Variants in DNAH3 observed in about 807,000 individuals in gnomAD.
DNAH3 encodes the protein axonemal beta dynein heavy chain 3.
In DNAH3, 332 loss-of-function variants were observed where a neutral mutation model predicts 432.5. The observed-to-expected ratio is 0.77, with a 90% CI of 0.70 to 0.84. The LOEUF (loss-of-function observed/expected upper bound fraction) is 0.84. DNAH3 is among the 40% of genes least tolerant of loss of function. The pLI is 0.00. For synonymous variants in DNAH3, 1,956 were observed against 1,900.2 expected (o/e 1.03, Z -0.76); for missense variants, 4,861 against 5,114.0 (o/e 0.95, Z 1.51).
At chr16:20,988,516 G>C (rs1250063144) in intron 44 of DNAH3, among the ~76,000 whole-genome samples, 2 of 152,216 alleles carry the variant, frequency 1.3e-5, no homozygotes, top group Non-Finnish European at 1.5e-5. Flanking sequence ...CCGGGCTCAA[G>C]AGATTCTCCA....
At chr16:21,099,241 G>T (rs2152793912) in intron 16 of DNAH3, among the ~76,000 whole-genome samples, 1 of 147,640 alleles carries the variant, frequency 6.8e-6, no homozygotes, top group South Asian at 2.2e-4. Flanking sequence ...GACATGGATG[G>T]ATGGATGGAT....
At chr16:20,969,646 C>CA in intron 52 of DNAH3, 146 bp downstream of exon 52, 1 of 925,402 alleles carries the variant, frequency 1.1e-6, no homozygotes, top group Non-Finnish European at 1.7e-6. Flanking sequence ...TGGGTGCACA[C>CA]ACACAGCCTG....
At chr16:21,063,273 T>C (rs1174724631) in intron 24 of DNAH3, among the ~76,000 whole-genome samples, 2 of 151,984 alleles carry the variant, frequency 1.3e-5, no homozygotes, top group Non-Finnish European at 2.9e-5. Flanking sequence ...CTGATGAAAT[T>C]TGTATTTTTT....
At chr16:21,056,033 C>T (rs899046798) in intron 27 of DNAH3, among the ~76,000 whole-genome samples, 7 of 152,194 alleles carry the variant, frequency 4.6e-5, no homozygotes, top group Non-Finnish European at 8.8e-5. Flanking sequence ...CCACCGTATC[C>T]TGCCCTGAAT....
intron 44 of DNAH3, among the ~76,000 whole-genome samples, chr16:20,992,546 C>A (rs1295686873): frequency 6.6e-6 from 1 of 152,162 alleles, no homozygotes; most frequent in Non-Finnish European, 1.5e-5. Flanking sequence ...CGGGGTTTCA[C>A]CGTGTTAGCC....
At chr16:21,066,770 A>C (rs2090566082) in intron 24 of DNAH3, among the ~76,000 whole-genome samples, 1 of 152,180 alleles carries the variant, frequency 6.6e-6, no homozygotes, top group South Asian at 2.1e-4. Context: ...GAAACTACAA[A>C]ATTTGATGGT....
intron 1 of DNAH3, among the ~76,000 whole-genome samples, chr16:21,147,029 G>GCT (rs1469079983): frequency 6.6e-6 from 1 of 151,806 alleles, no homozygotes; most frequent in East Asian, 1.9e-4. Flanking sequence ...CAAAGTTCTG[G>GCT]GATTACAGGC....
chr16:21,076,230 T>C (rs1319866647), intron 20 of DNAH3, among the ~76,000 whole-genome samples: 1 of 152,162 alleles, frequency 6.6e-6, no homozygotes, highest in African/African-American at 2.4e-5. Context: ...CCTTAATCCA[T>C]TATAATTGGT....
chr16:21,127,913 G>T, intron 7 of DNAH3, 101 bp from the exon 9 acceptor site: 1 of 1,395,132 alleles, frequency 7.2e-7, no homozygotes, highest in Non-Finnish European at 1.0e-6. Flanking sequence ...CTCAATGAAA[G>T]TTAAGCAGAA....
Position 21,020,348 on chromosome 16 carries a change from G to GTGTGTGTGTATATATATATATA in DNAH3, c.5777-480_5777-479insTATATATATATATACACACACA. Among the ~76,000 whole-genome samples the GTGTGTGTGTATATATATATATA allele has an allele frequency of 6.1e-4, 42 of 69,130 alleles. 1 individual carries two copies. The highest frequency in any genetic ancestry group is 2.7e-3 in the African/African-American group (42 of 15,616). 45.4% of individuals were successfully genotyped at this position (69,130 alleles called of 152,430 possible). A position where few individuals can be genotyped will look rare whatever the true frequency, so the allele number is the denominator to read the frequency against. ...ACTGCTGTATAATAATATAGTGTGT[G>GTGTGTGTGTATATATATATATA]TATATATATATATATATATAAAATC... On this transcript the variant is annotated intron_variant, in intron 40 of 61. Transcript: ENST00000261383.
In DNAH3 at chr16:21,121,944, C is replaced by T; in HGVS notation, c.1584+1G>A. 1 of 1,606,744 alleles carries T rather than the reference C, an allele frequency of 6.2e-7. No homozygotes were observed. Among genetic ancestry groups the T allele is most frequent in the Non-Finnish European group, 8.5e-7 (1 of 1,176,776 alleles). On this transcript the variant is annotated splice_donor_variant, in intron 10 of 61. Coordinates refer to ENST00000261383, the Ensembl canonical transcript of DNAH3. LOFTEE classifies it high-confidence loss of function. ...AATGAATGATTAAGTGACTACTATA[C>T]CTTGGGGATCCCATTAGAGTTCTTA...
intron 51 of DNAH3, among the ~76,000 whole-genome samples, chr16:20,971,744 G>C (rs1477738277): frequency 6.6e-6 from 1 of 152,226 alleles, no homozygotes; most frequent in East Asian, 1.9e-4. Flanking sequence ...ACATTACAGA[G>C]CAGAATCTTG....
chr16:20,969,604 C>A (rs2085236930), intron 52 of DNAH3, among the ~76,000 whole-genome samples, 188 bp downstream of exon 52: 1 of 152,230 alleles, frequency 6.6e-6, no homozygotes, highest in Non-Finnish European at 1.5e-5. Context: ...ACTGAGAGGG[C>A]GGAGGCCGCT....
intron 14 of DNAH3, among the ~76,000 whole-genome samples, chr16:21,108,990 G>C (rs2152802474): frequency 6.6e-6 from 1 of 151,944 alleles, no homozygotes; most frequent in South Asian, 2.1e-4. Flanking sequence ...GGGTGTGGTG[G>C]CACACACCTG....
chr16:21,123,154 G>A lies in DNAH3; in HGVS notation c.1405-1030C>T, dbSNP rs1034579654. 1.3e-5 allele frequency among the ~76,000 whole-genome samples: 2 copies of A among 152,284 alleles called. 1 individual carries two copies. Among genetic ancestry groups the A allele is most frequent in the South Asian group, 4.2e-4 (2 of 4,814 alleles). On this transcript the variant is annotated intron_variant, in intron 9 of 61. Coordinates refer to ENST00000261383, the Ensembl canonical transcript of DNAH3. ...CATAATCCATATAACCCCAAATGGA[G>A]TTGCTAATGAGCATAGTTTATTTTA...
chr16:20,982,696 G>A (rs1351865818), intron 49 of DNAH3, 25 bp downstream of exon 49: 1 of 1,600,448 alleles, frequency 6.2e-7, no homozygotes, highest in African/African-American at 1.3e-5. Context: ...AATATCTAGA[G>A]TCCTAAAATG....
At chr16:21,104,118 T>C (rs2091897111) in intron 16 of DNAH3, 1 of 186,818 alleles carries the variant, frequency 5.4e-6, no homozygotes, top group Non-Finnish European at 1.1e-5. Context: ...GATATCTTGA[T>C]ATCTTACAGA....
Position 21,140,976 on chromosome 16 carries a change from T to C in DNAH3, c.522-266A>G, listed in dbSNP as rs565903364. Among the ~76,000 whole-genome samples, 33 of 152,080 alleles carry C rather than the reference T, an allele frequency of 2.2e-4. No individual in the cohort carries two copies. In the South Asian group the frequency reaches 2.3e-3, roughly 11 times the overall value. On this transcript the variant is annotated intron_variant, in intron 4 of 61. Coordinates refer to ENST00000261383, the Ensembl canonical transcript of DNAH3. Reference sequence around the variant, plus strand: ...CAACATGGTGAAACCACGTCTCTACTAAAAATACAAAAATCAGCCAGGCCT... The same window carrying C: ...CAACATGGTGAAACCACGTCTCTACCAAAAATACAAAAATCAGCCAGGCCT...
In DNAH3 at chr16:21,143,911, C is replaced by T. The variant is rs146133532; in HGVS notation, c.448+1270G>A. On this transcript the variant is annotated intron_variant, in intron 3 of 61. Coordinates refer to ENST00000261383, the Ensembl canonical transcript of DNAH3. ...AAAAACACTCATTAGACATGAAAAACTCAAGACTGAACAGAGTTGAAGAGA... is the reference window on the plus strand; with the variant it reads ...AAAAACACTCATTAGACATGAAAAATTCAAGACTGAACAGAGTTGAAGAGA... Among the ~76,000 whole-genome samples, 5 of 152,192 alleles carry T rather than the reference C, an allele frequency of 3.3e-5. No individual in the cohort carries two copies. In the South Asian group the frequency reaches 8.3e-4, roughly 25 times the overall value.
Sources: gnomAD v4.1 joint callset for allele counts (sites outside exome capture counted in the v4.1 genomes callset) on GRCh38, gnomAD v4.1.1 for gene constraint, MANE v1.5 for transcripts, NCBI Gene and HGNC (gene_info 2026-07-23, HGNC 2026-07-21) for gene names.